The following SRGAP1 variants were observed in gnomAD, a reference collection of about 807,000 sequenced individuals.
SRGAP1 encodes the protein SLIT-ROBO Rho GTPase activating protein 1, also known as SLIT-ROBO Rho GTPase-activating protein 1.
Under a neutral mutation model 121.9 loss-of-function variants are expected in SRGAP1, and 43 were observed. The ratio of observed to expected loss-of-function variants is 0.35; its 90% CI spans 0.28 to 0.46. The LOEUF (loss-of-function observed/expected upper bound fraction) is 0.46. SRGAP1 is among the 20% of genes least tolerant of loss of function. SRGAP1 has a pLI of 1.00. For missense variants in SRGAP1, 1,102 were observed against 1,350.9 expected, an observed-to-expected ratio of 0.82 and a Z score of 2.89; for synonymous variants, 447 against 485.4, an observed-to-expected ratio of 0.92 and a Z score of 1.04.
At chr12:63,944,925 C>T (rs1210676486) in intron 1 of SRGAP1, among the ~76,000 whole-genome samples, 1 of 152,160 alleles carries the variant, frequency 6.6e-6, no homozygotes. Flanking sequence ...GCACCGCTTC[C>T]TAGGTAGGCT....
intron 1 of SRGAP1, among the ~76,000 whole-genome samples, chr12:63,893,140 G>C (rs1454871999): frequency 1.3e-5 from 2 of 152,120 alleles, no homozygotes; most frequent in East Asian, 3.9e-4. Context: ...GTTTTTCCCA[G>C]CCCACTCCCC....
Position 63,989,964 on chromosome 12 carries a change from A to G in SRGAP1, c.318A>G (p.Gln106=). Residue 106 remains glutamine (Q), a synonymous_variant, in exon 3 of 22, where the codon CAA becomes CAG. Transcript: ENST00000355086. ...PVNCWYLLLN[Q]VRRESKDHAT... ...ACTGCTGGTATTTGCTCCTGAACCAAGTAAGGAGAGAAAGCAAAGACCATG... is the reference window on the plus strand; with the variant it reads ...ACTGCTGGTATTTGCTCCTGAACCAGGTAAGGAGAGAAAGCAAAGACCATG... 1 of 1,613,796 alleles carries G rather than the reference A, an allele frequency of 6.2e-7. No individual in the cohort carries two copies. The highest frequency in any genetic ancestry group is 1.1e-5 in the South Asian group (1 of 91,042).
intron 1 of SRGAP1, among the ~76,000 whole-genome samples, chr12:63,882,344 C>T (rs1258040675): frequency 6.6e-6 from 1 of 151,998 alleles, no homozygotes; most frequent in East Asian, 1.9e-4. Flanking sequence ...TGCAGTGGCG[C>T]AATCTCGGCT....
In SRGAP1 at chr12:64,044,674, CTTTT is replaced by C. The variant is rs558248193; in HGVS notation, c.801+1121_801+1124del. Among the ~76,000 whole-genome samples the C allele has an allele frequency of 1.1e-3, 76 of 72,122 alleles. 2 individuals carry two copies. Among genetic ancestry groups the C allele is most frequent in the South Asian group, 3.9e-3 (8 of 2,048 alleles). The allele number at this position is 72,122 out of a possible 152,430, so 47.3% of individuals were successfully genotyped here. ...AGCTTATTAACACTCTGATGTGCCT[CTTTT>C]TTTTTTTTTTTTTTTTTTTTTAAGA... is the stretch of plus-strand genomic sequence containing the variant. On this transcript the variant is annotated intron_variant, in intron 6 of 21. Transcript: ENST00000355086.
Position 63,915,517 on chromosome 12 carries a change from A to AG in SRGAP1, c.68-68426dup, listed in dbSNP as rs2030731890. 1.3e-5 allele frequency among the ~76,000 whole-genome samples: 2 copies of AG among 152,192 alleles called. 1 individual carries two copies. Among genetic ancestry groups the AG allele is most frequent in the South Asian group, 4.1e-4 (2 of 4,832 alleles). On this transcript the variant is annotated intron_variant, in intron 1 of 21. Coordinates refer to ENST00000355086, the MANE Select transcript of SRGAP1 (RefSeq NM_020762.4). Reference sequence around the variant, plus strand: ...TTCATAGAGAAATAAAATATGTGTGAGGGGAAAACAGCTAATAAAGAGGAG... The same window carrying AG: ...TTCATAGAGAAATAAAATATGTGTGAGGGGGAAAACAGCTAATAAAGAGGAG...
chr12:64,072,147 T>TGTGTGTGTGTGTGTGG (rs2035651206), intron 8 of SRGAP1, among the ~76,000 whole-genome samples: 1 of 33,846 alleles, frequency 3.0e-5, no homozygotes, highest in Non-Finnish European at 9.7e-5. Context: ...TGTGTGTGTG[T>TGTGTGTGTGTGTGTGG]GGGCGGCGGG....
chr12:63,865,275 C>A (rs1157503418), intron 1 of SRGAP1, among the ~76,000 whole-genome samples: 1 of 152,052 alleles, frequency 6.6e-6, no homozygotes, highest in African/African-American at 2.4e-5. Flanking sequence ...TCGAGACCAG[C>A]CCAGCCAACA....
In SRGAP1 at chr12:63,984,149, G is replaced by T. The variant is rs781369353; in HGVS notation, c.263+7G>T. 1.8e-5 allele frequency: 25 copies of T among 1,421,922 alleles called. No homozygotes were observed. Among genetic ancestry groups the T allele is most frequent in the Non-Finnish European group, 2.2e-5 (23 of 1,062,826 alleles). The allele number at this position is 1,421,922 out of a possible 1,614,324, so 88.1% of individuals were successfully genotyped here. ...AGGATCATCAACAATACAAGTAAGA[G>T]ATTTGAATCTAATTCACCTTTCCAA... On this transcript the variant is annotated splice_region_variant and intron_variant, in intron 2 of 21. Transcript: ENST00000355086.
intron 1 of SRGAP1, among the ~76,000 whole-genome samples, chr12:63,870,978 T>C (rs1899832857): frequency 6.6e-6 from 1 of 152,170 alleles, no homozygotes; most frequent in Non-Finnish European, 1.5e-5. Context: ...TTGTTGGTCC[T>C]CTTTGAGTGG....
At chr12:63,886,983 T>C (rs1248094723) in intron 1 of SRGAP1, among the ~76,000 whole-genome samples, 10 of 152,070 alleles carry the variant, frequency 6.6e-5, no homozygotes, top group Admixed American at 5.2e-4. Context: ...AAGCAATTCT[T>C]CTGCTTCAGT....
intron 1 of SRGAP1, among the ~76,000 whole-genome samples, chr12:63,911,043 T>TAATCCC (rs2030469119): frequency 6.6e-6 from 1 of 152,092 alleles, no homozygotes; most frequent in Admixed American, 6.5e-5. Context: ...CTCATGCCTG[T>TAATCCC]AATCCCAGCA....
Position 64,127,714 on chromosome 12 carries a change from T to A in SRGAP1, c.2530T>A (p.Tyr844Asn). Residue 844 changes from tyrosine (Y) to asparagine (N), a missense_variant, in exon 20 of 22, where the codon TAT becomes AAT. Physicochemically the swap from Tyr to Asn is moderately radical, Grantham distance 143. Around this residue, in one of 3 missense-constraint regions of SRGAP1, gnomAD observed 315 missense variants for 343.1 expected, o/e 0.92. Coordinates refer to ENST00000355086, the MANE Select transcript of SRGAP1 (RefSeq NM_020762.4). Reference sequence around the variant, plus strand: ...CCCGACAGACCGTCATCCTGACGGCTATTTAGCCAGGTAAGTAGAGCCTGG... The same window carrying A: ...CCCGACAGACCGTCATCCTGACGGCAATTTAGCCAGGTAAGTAGAGCCTGG... ...NSPTDRHPDG[Y>N]LARQRKRGEP... 5.6e-6 allele frequency: 9 copies of A among 1,614,058 alleles called. No homozygotes were observed. The highest frequency in any genetic ancestry group is 7.6e-6 in the Non-Finnish European group (9 of 1,179,988).
In SRGAP1 at chr12:63,940,088, A is replaced by C. The variant is rs575614421; in HGVS notation, c.68-43859A>C. On this transcript the variant is annotated intron_variant, in intron 1 of 21. Coordinates refer to ENST00000355086, the MANE Select transcript of SRGAP1 (RefSeq NM_020762.4). ...GCGATTCTCCTGCCTCAGCCTCCCAAGTAGCTGAGATTACAGGCACCTCCC... is the reference window on the plus strand; with the variant it reads ...GCGATTCTCCTGCCTCAGCCTCCCACGTAGCTGAGATTACAGGCACCTCCC... 7.4e-4 allele frequency among the ~76,000 whole-genome samples: 112 copies of C among 151,994 alleles called. 1 individual carries two copies. Among genetic ancestry groups the C allele is most frequent in the South Asian group, 6.3e-3 (30 of 4,796 alleles).
chr12:63,900,632 G>A (rs1050108634), intron 1 of SRGAP1, among the ~76,000 whole-genome samples: 7 of 151,976 alleles, frequency 4.6e-5, no homozygotes, highest in African/African-American at 7.2e-5. Context: ...GGGCAACATG[G>A]CAAAATGCTG....
chr12:64,053,808 C>G (rs2035285787), intron 6 of SRGAP1, among the ~76,000 whole-genome samples: 2 of 152,080 alleles, frequency 1.3e-5, no homozygotes, highest in Admixed American at 6.6e-5. Flanking sequence ...GGATGTGTTA[C>G]AACTAGAAGA....
intron 10 of SRGAP1, chr12:64,081,446 G>A (rs2035837989): frequency 6.7e-6 from 1 of 149,816 alleles, no homozygotes; most frequent in African/African-American, 2.5e-5. Context: ...ACACAGTTAG[G>A]ATGAAAAGGC....
At chr12:63,870,937 C>G (rs546979350) in intron 1 of SRGAP1, among the ~76,000 whole-genome samples, 3 of 152,256 alleles carry the variant, frequency 2.0e-5, no homozygotes, top group Non-Finnish European at 1.5e-5. Flanking sequence ...TCTATCTCTT[C>G]TCTTGATTTT....
chr12:64,056,794 G>T (rs2035352433), intron 6 of SRGAP1, among the ~76,000 whole-genome samples: 1 of 152,060 alleles, frequency 6.6e-6, no homozygotes, highest in Non-Finnish European at 1.5e-5. Flanking sequence ...CTCGCCTGGG[G>T]CCTTTGCACT....
chr12:64,127,678 G>C lies in SRGAP1; in HGVS notation c.2494G>C (p.Asp832His), dbSNP rs2036715927. ...CACGGAAGACAAGTCCTCATCCAAG[G>C]ACATGAACTCCCCGACAGACCGTCA... The part of the protein sequence containing the change: ...PVTEDKSSSK[D>H]MNSPTDRHPD... Residue 832 changes from aspartate to histidine, a missense_variant, in exon 20 of 22, where the codon GAC becomes CAC. Physicochemically the swap from Asp to His is moderately conservative, Grantham distance 81. This residue lies in a region of SRGAP1 where 315 missense variants were observed against 343.1 expected (regional missense o/e 0.92). Coordinates refer to ENST00000355086, the MANE Select transcript of SRGAP1 (RefSeq NM_020762.4). 6.2e-7 allele frequency: 1 copy of C among 1,614,008 alleles called. No homozygotes were observed. Among genetic ancestry groups the C allele is most frequent in the African/African-American group, 1.3e-5 (1 of 74,894 alleles).
Sources: gnomAD v4.1 joint callset for allele counts (sites outside exome capture counted in the v4.1 genomes callset) on GRCh38, gnomAD v4.1.1 for gene constraint, gnomAD v4.1.1 regional missense constraint, MANE v1.5 for transcripts, NCBI Gene and HGNC (gene_info 2026-07-23, HGNC 2026-07-21) for gene names.